MYBPC1: variants seen among roughly 807,000 people sequenced by gnomAD.
MYBPC1 encodes the protein myosin binding protein C1.
A neutral mutation model predicts 147.1 loss-of-function variants in MYBPC1; 52 were observed. That is an observed-to-expected ratio of 0.35 (90% confidence interval 0.28 to 0.45). MYBPC1 has a LOEUF of 0.45. Ranked by LOEUF, MYBPC1 falls within the 20% of genes least tolerant of loss-of-function variation. MYBPC1 has a pLI of 1.00. For synonymous variants in MYBPC1, 477 were observed against 475.9 expected (o/e 1.00, Z -0.03); for missense variants, 1,228 against 1,440.3 (o/e 0.85, Z 2.39).
chr12:101,621,913 A>G (rs555570214), intron 3 of MYBPC1, among the ~76,000 whole-genome samples: 2 of 152,274 alleles, frequency 1.3e-5, no homozygotes, highest in East Asian at 1.9e-4. Flanking sequence ...ACTTTCTAGA[A>G]TTTCTTCTCT....
chr12:101,610,834 G>A lies in MYBPC1; in HGVS notation c.26-3662G>A, dbSNP rs116344967. On this transcript the variant is annotated intron_variant, in intron 1 of 31. Transcript: ENST00000361466. ...CTGCCTTGTCCAACATAGGTAGCAG[G>A]GAAAGGAAGTGCAGGCCCGGGCTGC... 7.9e-3 allele frequency among the ~76,000 whole-genome samples: 1,197 copies of A among 152,270 alleles called. 20 individuals are homozygous for A. Among genetic ancestry groups the A allele is most frequent in the African/African-American group, 0.027 (1,127 of 41,540 alleles).
chr12:101,626,502 G>A (rs1192081551), intron 3 of MYBPC1, among the ~76,000 whole-genome samples: 2 of 152,120 alleles, frequency 1.3e-5, no homozygotes, highest in Non-Finnish European at 2.9e-5. Flanking sequence ...TATGAATAAG[G>A]TCTGCCATTC....
intron 13 of MYBPC1, among the ~76,000 whole-genome samples, chr12:101,647,640 C>A (rs1332556639): frequency 6.6e-6 from 1 of 152,120 alleles, no homozygotes; most frequent in African/African-American, 2.4e-5. Flanking sequence ...ATAATACCAG[C>A]ACTTTGGGAG....
chr12:101,674,230 C>T (rs1421313739), intron 25 of MYBPC1, among the ~76,000 whole-genome samples: 2 of 152,162 alleles, frequency 1.3e-5, no homozygotes, highest in Non-Finnish European at 2.9e-5. Flanking sequence ...TTTCTCATCT[C>T]CCTGATGATA....
intron 30 of MYBPC1, 127 bp downstream of exon 30, chr12:101,682,789 G>A: frequency 1.2e-6 from 1 of 858,006 alleles, no homozygotes; most frequent in South Asian, 1.5e-5. Context: ...GCAGCTCATG[G>A]CATACAGTGC....
chr12:101,653,521 G>A (rs1317277589), intron 18 of MYBPC1, among the ~76,000 whole-genome samples: 1 of 151,982 alleles, frequency 6.6e-6, no homozygotes, highest in African/African-American at 2.4e-5. Context: ...TAATGAAATT[G>A]GGGGGATGAA....
intron 1 of MYBPC1, 123 bp downstream of exon 1, chr12:101,595,218 G>A: frequency 2.1e-6 from 2 of 932,536 alleles, no homozygotes; most frequent in East Asian, 2.7e-5. Flanking sequence ...ATGATTTAAG[G>A]AAACGATCTT....
rs57175970 is a variant in MYBPC1, at chr12:101,624,683, A to ATTTTTTT, written c.104-2169_104-2163dup. Among the ~76,000 whole-genome samples, 43 of 99,104 alleles carry ATTTTTTT rather than the reference A, an allele frequency of 4.3e-4. 2 individuals are homozygous for ATTTTTTT. The highest frequency in any genetic ancestry group is 2.6e-3 in the East Asian group (9 of 3,468). 65.0% of individuals were successfully genotyped at this position (99,104 alleles called of 152,430 possible). ...AATAATATACAAGCCCGGCTAATTAATTTTTTTTTTTTTTTTTTTTTTTTT... is the reference window on the plus strand; with the variant it reads ...AATAATATACAAGCCCGGCTAATTAATTTTTTTTTTTTTTTTTTTTTTTTTTTTTTTT... On this transcript the variant is annotated intron_variant, in intron 3 of 31. Coordinates refer to ENST00000361466, the MANE Select transcript of MYBPC1 (RefSeq NM_002465.4).
At chr12:101,619,023 T>G (rs1028870800) in intron 3 of MYBPC1, among the ~76,000 whole-genome samples, 4 of 152,100 alleles carry the variant, frequency 2.6e-5, no homozygotes, top group Non-Finnish European at 5.9e-5. Context: ...AATGGAAGTT[T>G]ATAATAAATA....
intron 16 of MYBPC1, among the ~76,000 whole-genome samples, chr12:101,652,345 T>C (rs957903344): frequency 6.6e-6 from 1 of 152,314 alleles, no homozygotes; most frequent in East Asian, 1.9e-4. Flanking sequence ...ATCTCTTGAA[T>C]CTTAAAGTAT....
Position 101,684,797 on chromosome 12 carries a change from T to C in MYBPC1, c.*19+373T>C, listed in dbSNP as rs560268324. Among the ~76,000 whole-genome samples, 3 of 152,320 alleles carry C rather than the reference T, an allele frequency of 2.0e-5. No individual in the cohort carries two copies. In the East Asian group the frequency reaches 5.8e-4, roughly 29 times the overall value. ...AGTTGTTTTTTTAAAAAAAGGAGAA[T>C]GACTTTCTCAAATTTGCATTAAAGA... On this transcript the variant is annotated intron_variant, in intron 31 of 31. Transcript: ENST00000361466.
chr12:101,636,294 AGCAAAAGTTCTTT>A lies in MYBPC1; in HGVS notation c.609-375_609-363del, dbSNP rs1211782773. Among the ~76,000 whole-genome samples the A allele has an allele frequency of 9.8e-5, 15 of 152,324 alleles. No homozygotes were observed. In the East Asian group the frequency reaches 1.3e-3, roughly 14 times the overall value. ...CTGTCTTACATGAATAACAGAGATCAGCAAAAGTTCTTTGCTTTTTACATAGGTATGTTTCTAC... is the reference window on the plus strand; with the variant it reads ...CTGTCTTACATGAATAACAGAGATCAGCTTTTTACATAGGTATGTTTCTAC... On this transcript the variant is annotated intron_variant, in intron 9 of 31. Coordinates refer to ENST00000361466, the MANE Select transcript of MYBPC1 (RefSeq NM_002465.4).
At chr12:101,682,321 A>G (rs929367686) in intron 29 of MYBPC1, among the ~76,000 whole-genome samples, 2 of 152,248 alleles carry the variant, frequency 1.3e-5, no homozygotes, top group African/African-American at 2.4e-5. Flanking sequence ...AGCGAATAGT[A>G]TTATACATAT....
chr12:101,678,541 A>G (rs55851382), intron 28 of MYBPC1, among the ~76,000 whole-genome samples: 186 of 152,382 alleles, frequency 1.2e-3, no homozygotes, highest in African/African-American at 4.2e-3. Context: ...ATTAGGTGGT[A>G]ATGTCAAGAA....
intron 25 of MYBPC1, among the ~76,000 whole-genome samples, chr12:101,674,337 G>A (rs1288918022): frequency 2.0e-5 from 3 of 152,088 alleles, no homozygotes; most frequent in Non-Finnish European, 4.4e-5. Context: ...TGCTAATGAA[G>A]TTTTCATGGA....
At chr12:101,689,424 A>G (rs10778139), downstream of MYBPC1, among the ~76,000 whole-genome samples, 79,249 of 151,932 alleles carry the variant, frequency 0.52, 21,309 homozygotes, top group Admixed American at 0.6. Flanking sequence ...CTTTTAGTTT[A>G]ATGGTCAAAC....
chr12:101,617,871 G>A (rs1005165660), intron 3 of MYBPC1, among the ~76,000 whole-genome samples: 1 of 152,098 alleles, frequency 6.6e-6, no homozygotes, highest in Non-Finnish European at 1.5e-5. Context: ...TCCATGAAAT[G>A]CTAATTCCTT....
At chr12:101,671,940 G>C (rs1420450183) in intron 24 of MYBPC1, among the ~76,000 whole-genome samples, 6 of 152,202 alleles carry the variant, frequency 3.9e-5, no homozygotes, top group Middle Eastern at 3.2e-3. Context: ...CTGTGAGGCA[G>C]GAAGGCCAGA....
At chr12:101,596,232 C>T (rs780739853) in intron 1 of MYBPC1, among the ~76,000 whole-genome samples, 1 of 152,188 alleles carries the variant, frequency 6.6e-6, no homozygotes, top group African/African-American at 2.4e-5. Flanking sequence ...TGTTGACAGG[C>T]TGTGGTGATC....
Sources: gnomAD v4.1 joint callset for allele counts (sites outside exome capture counted in the v4.1 genomes callset) on GRCh38, gnomAD v4.1.1 for gene constraint, MANE v1.5 for transcripts, NCBI Gene and HGNC (gene_info 2026-07-23, HGNC 2026-07-21) for gene names.